The following C3orf49 variants were observed in gnomAD, a reference collection of about 807,000 sequenced individuals.
C3orf49 encodes chromosome 3 open reading frame 49.
A neutral mutation model predicts 13.3 loss-of-function variants in C3orf49; 27 were observed. The observed-to-expected ratio is 2.02, with a 90% confidence interval of 1.49 to 2.79. The LOEUF is 2.79. C3orf49 is among the 30% of genes most tolerant of loss of function. The pLI is 0.00. For synonymous variants in C3orf49, 87 were observed against 47.6 expected (o/e 1.83, Z -3.40); for missense variants, 242 against 134.2 (o/e 1.80, Z -3.97).
chr3:63,830,742 T>C lies in C3orf49; in HGVS notation c.571-368T>C, dbSNP rs1701521803. On this transcript the variant is annotated intron_variant, in intron 3 of 6. Coordinates refer to ENST00000295896, the MANE Select transcript of C3orf49 (RefSeq NM_001355236.2). ...ACCAAATTAACAACTAGATCCACGA[T>C]AATGAGCTTTCTGGGGCACTGGTCC... 2.6e-5 allele frequency among the ~76,000 whole-genome samples: 4 copies of C among 152,246 alleles called. No individual in the cohort carries two copies. The South Asian group carries it at 8.3e-4, about 32-fold the overall frequency.
chr3:63,799,408 T>C, the C3orf49 span, among the ~76,000 whole-genome samples: 1 of 152,170 alleles, frequency 6.6e-6, no homozygotes. Flanking sequence ...AAGTATCCAA[T>C]AGCATTACCA....
intron 6 of C3orf49, among the ~76,000 whole-genome samples, chr3:63,845,556 A>G (rs1701873823): frequency 6.6e-6 from 1 of 152,232 alleles, no homozygotes; most frequent in Non-Finnish European, 1.5e-5. Context: ...GGTTATTACC[A>G]TGAGGTGGAG....
chr3:63,844,064 T>G (rs1311525706), intron 5 of C3orf49, among the ~76,000 whole-genome samples: 1 of 152,172 alleles, frequency 6.6e-6, no homozygotes. Context: ...TGGATGAACC[T>G]AGAGAACATT....
At chr3:63,780,293 A>G in the C3orf49 span, among the ~76,000 whole-genome samples, 1 of 152,132 alleles carries the variant, frequency 6.6e-6, no homozygotes, top group East Asian at 1.9e-4. Context: ...TTCCAGCTTC[A>G]TCCATGTCCC....
the C3orf49 span, chr3:63,784,913 A>G: frequency 1.3e-5 from 2 of 152,132 alleles, no homozygotes; most frequent in Non-Finnish European, 2.9e-5. Flanking sequence ...CCTTGCTGTC[A>G]TCAACCCTCC....
At chr3:63,835,603 G>T (rs1048386602) in intron 5 of C3orf49, among the ~76,000 whole-genome samples, 1 of 151,924 alleles carries the variant, frequency 6.6e-6, no homozygotes, top group Non-Finnish European at 1.5e-5. Context: ...TTACATTTTT[G>T]GATCCATTTT....
chr3:63,794,000 A>T, the C3orf49 span, among the ~76,000 whole-genome samples: 2 of 152,070 alleles, frequency 1.3e-5, no homozygotes, highest in Admixed American at 1.3e-4. Flanking sequence ...ACAAAAATTT[A>T]AAAAATTAGC....
At chr3:63,827,979 CT>C (rs1210207732) in intron 3 of C3orf49, among the ~76,000 whole-genome samples, 1 of 152,204 alleles carries the variant, frequency 6.6e-6, no homozygotes, top group African/African-American at 2.4e-5. Flanking sequence ...GACTTTCTCA[CT>C]CTTCAAATGT....
Position 63,824,461 on chromosome 3 carries a change from G to A in C3orf49, c.445+892G>A, listed in dbSNP as rs559844480. ...TAACTTTAAGTCGTTTTTGCAACTA[G>A]TATTAATGCCATGTGGCATCCTATG... On this transcript the variant is annotated intron_variant, in intron 2 of 6. Transcript: ENST00000295896. Among the ~76,000 whole-genome samples the A allele has an allele frequency of 5.3e-3, 804 of 152,278 alleles. 8 individuals carry two copies. Among genetic ancestry groups the A allele is most frequent in the African/African-American group, 0.018 (747 of 41,558 alleles).
the C3orf49 span, among the ~76,000 whole-genome samples, chr3:63,803,798 C>T: frequency 4.9e-3 from 751 of 152,172 alleles, 4 homozygotes; most frequent in Non-Finnish European, 6.4e-3. Flanking sequence ...GGAATGGTTT[C>T]GTGATAATTC....
chr3:63,815,092 CG>C (rs1701309307), upstream of C3orf49, among the ~76,000 whole-genome samples: 1 of 152,138 alleles, frequency 6.6e-6, no homozygotes, highest in Non-Finnish European at 1.5e-5. Flanking sequence ...CTTGCTATCA[CG>C]AGGACAGTAA....
At chr3:63,843,221 C>T (rs778800368) in intron 5 of C3orf49, among the ~76,000 whole-genome samples, 1 of 152,092 alleles carries the variant, frequency 6.6e-6, no homozygotes, top group Non-Finnish European at 1.5e-5. Flanking sequence ...TGGGTTCAAG[C>T]GATTCTCTTG....
the C3orf49 span, among the ~76,000 whole-genome samples, chr3:63,788,583 C>T: frequency 2.0e-5 from 3 of 151,936 alleles, no homozygotes; most frequent in East Asian, 3.9e-4. Flanking sequence ...AAAATGGAGC[C>T]CTGAGAACTT....
At chr3:63,828,217 C>T (rs1701490994) in intron 3 of C3orf49, among the ~76,000 whole-genome samples, 1 of 152,178 alleles carries the variant, frequency 6.6e-6, no homozygotes, top group Non-Finnish European at 1.5e-5. Flanking sequence ...GCCATATGTA[C>T]AACACAGACA....
chr3:63,783,997 C>T, the C3orf49 span, among the ~76,000 whole-genome samples: 1 of 152,040 alleles, frequency 6.6e-6, no homozygotes, highest in Non-Finnish European at 1.5e-5. Flanking sequence ...GTCAATGAGG[C>T]ATTTCAAAAT....
intron 5 of C3orf49, chr3:63,834,166 T>C (rs767146885): frequency 5.6e-6 from 9 of 1,613,996 alleles, no homozygotes; most frequent in Admixed American, 3.3e-5. Flanking sequence ...GCTTGCTTCC[T>C]GAGCTTCTTC....
At chr3:63,846,574 A>AT (rs1408877747) in intron 6 of C3orf49, among the ~76,000 whole-genome samples, 1 of 151,860 alleles carries the variant, frequency 6.6e-6, no homozygotes, top group African/African-American at 2.4e-5. Context: ...CGCCAGGCTA[A>AT]TTTTTTTGTA....
At chr3:63,810,514 G>A in the C3orf49 span, among the ~76,000 whole-genome samples, 1 of 152,076 alleles carries the variant, frequency 6.6e-6, no homozygotes, top group African/African-American at 2.4e-5. Flanking sequence ...ATTGACCTAT[G>A]GGTCAAGACC....
chr3:63,841,809 A>G (rs1396307005), intron 5 of C3orf49, among the ~76,000 whole-genome samples: 1 of 152,226 alleles, frequency 6.6e-6, no homozygotes, highest in East Asian at 1.9e-4. Context: ...GAATTTTCTT[A>G]CTACAAATGT....
Sources: allele counts gnomAD v4.1 joint callset (sites outside exome capture counted in the v4.1 genomes callset), GRCh38; gene constraint gnomAD v4.1.1; transcripts MANE v1.5; gene names NCBI Gene and HGNC (gene_info 2026-07-23, HGNC 2026-07-21).